Variants in SOX5 observed in about 807,000 individuals in gnomAD.
SOX5 encodes the protein SRY-box transcription factor 5, also known as transcription factor SOX-5.
A neutral mutation model predicts 92.0 loss-of-function variants in SOX5; 9 were observed. The observed-to-expected ratio is 0.10, with a 90% CI of 0.06 to 0.17. The LOEUF (loss-of-function observed/expected upper bound fraction) is 0.17, where lower values mean the gene tolerates loss of function less well. Ranked by LOEUF, SOX5 falls within the 10% of genes least tolerant of loss-of-function variation. The pLI is 1.00. For missense variants in SOX5, 642 were observed against 944.5 expected (o/e 0.68, Z 4.20); for synonymous variants, 344 against 336.3 (o/e 1.02, Z -0.25).
intron 1 of SOX5, among the ~76,000 whole-genome samples, chr12:24,426,137 T>C (rs751300622): frequency 3.3e-5 from 5 of 151,914 alleles, no homozygotes; most frequent in African/African-American, 4.8e-5. Context: ...GAGGCAGAGG[T>C]TGCAGTGAGC....
At chr12:24,181,581 G>T (rs1236690058) in intron 4 of SOX5, among the ~76,000 whole-genome samples, 3 of 152,098 alleles carry the variant, frequency 2.0e-5, no homozygotes, top group Non-Finnish European at 4.4e-5. Context: ...TGTATATGAG[G>T]ATCATAATAT....
At chr12:23,742,250 C>T (rs999521441) in intron 4 of SOX5, among the ~76,000 whole-genome samples, 4 of 151,962 alleles carry the variant, frequency 2.6e-5, no homozygotes, top group Non-Finnish European at 5.9e-5. Context: ...TTTATATGAC[C>T]ATTTGGAATA....
At chr12:24,017,584 A>G (rs775818165) in intron 4 of SOX5, among the ~76,000 whole-genome samples, 6 of 152,140 alleles carry the variant, frequency 3.9e-5, no homozygotes, top group Non-Finnish European at 5.9e-5. Flanking sequence ...TGGGTGACAG[A>G]GTGAGACTCT....
intron 4 of SOX5, among the ~76,000 whole-genome samples, chr12:23,982,793 T>C (rs1426446448): frequency 6.6e-6 from 1 of 151,874 alleles, no homozygotes; most frequent in Non-Finnish European, 1.5e-5. Context: ...CAATATATAA[T>C]TGATAGTAAT....
At chr12:24,336,349 T>C (rs1190286578) in intron 2 of SOX5, among the ~76,000 whole-genome samples, 3 of 152,132 alleles carry the variant, frequency 2.0e-5, no homozygotes, top group Non-Finnish European at 4.4e-5. Context: ...TGCCTTGGCC[T>C]CCCAAAGTGC....
intron 6 of SOX5, among the ~76,000 whole-genome samples, chr12:23,667,672 G>C (rs1209969856): frequency 1.3e-5 from 2 of 152,098 alleles, no homozygotes; most frequent in Non-Finnish European, 2.9e-5. Flanking sequence ...AATCTAGTGA[G>C]GGGAAGTAGG....
rs191532444 is a variant in SOX5, at chr12:23,768,815, C to T, written c.482-13091G>A. Among the ~76,000 whole-genome samples the T allele has an allele frequency of 2.6e-3, 390 of 152,012 alleles. 4 individuals are homozygous for T. Among genetic ancestry groups the T allele is most frequent in the African/African-American group, 9.1e-3 (378 of 41,444 alleles). On this transcript the variant is annotated intron_variant, in intron 3 of 14. Transcript: ENST00000451604. ...CTTTATTGCTTGACAGGGTTCAACA[C>T]TGAAAGCTGTATTATCTACCTAAAA...
At chr12:24,107,920 G>A (rs1946868073) in intron 4 of SOX5, among the ~76,000 whole-genome samples, 1 of 152,148 alleles carries the variant, frequency 6.6e-6, no homozygotes, top group Non-Finnish European at 1.5e-5. Context: ...CCAAGTGAAT[G>A]GTTAAGTAAA....
chr12:24,068,392 C>T (rs915817102), intron 4 of SOX5, among the ~76,000 whole-genome samples: 1 of 151,846 alleles, frequency 6.6e-6, no homozygotes, highest in African/African-American at 2.4e-5. Context: ...CAATGTAAAG[C>T]ATTTTTGGGA....
chr12:24,417,878 C>G (rs1015088137), intron 1 of SOX5, among the ~76,000 whole-genome samples: 1 of 152,124 alleles, frequency 6.6e-6, no homozygotes, highest in African/African-American at 2.4e-5. Context: ...ATGTTCAATG[C>G]AAATGACATG....
chr12:23,995,817 C>G lies in SOX5; in HGVS notation c.-1-99793G>C, dbSNP rs929674794. Among the ~76,000 whole-genome samples the G allele has an allele frequency of 3.3e-5, 5 of 152,016 alleles. No individual in the cohort carries two copies. The South Asian group carries it at 1.0e-3, about 32-fold the overall frequency. The stretch of plus-strand genomic sequence containing the variant: ...CTCATCGTAGTTACATATTATTTAC[C>G]TACAAAAAATTTTCAGGTCTGGATA... On this transcript the variant is annotated intron_variant, in intron 4 of 4. Transcript: ENST00000446891.
intron 3 of SOX5, among the ~76,000 whole-genome samples, chr12:23,791,353 A>C (rs926900710): frequency 6.6e-6 from 1 of 152,172 alleles, no homozygotes; most frequent in African/African-American, 2.4e-5. Context: ...TGCAGTGGCT[A>C]TTTGCAGGTG....
rs74070008 is a variant in SOX5 at position 24,327,278 on chromosome 12, G to A, written c.-174+41285C>T. Among the ~76,000 whole-genome samples, 672 of 150,468 alleles carry A rather than the reference G, an allele frequency of 4.5e-3. 3 individuals are homozygous for A. The highest frequency in any genetic ancestry group is 0.016 in the African/African-American group (644 of 40,870). ...TAACTTAAGATTTATCTTGTATTGA[G>A]TTATCCCAGTGTTTCCTTATTAACA... On this transcript the variant is annotated intron_variant, in intron 2 of 4. Coordinates refer to the SOX5 transcript ENST00000446891.
intron 4 of SOX5, among the ~76,000 whole-genome samples, chr12:24,049,735 T>C (rs183134540): frequency 7.0e-6 from 1 of 143,042 alleles, no homozygotes; most frequent in African/African-American, 2.6e-5. Context: ...GAAGGACCAG[T>C]TCTCTGGAGA....
At chr12:23,604,818 T>C (rs1483080407) in intron 8 of SOX5, among the ~76,000 whole-genome samples, 2 of 152,214 alleles carry the variant, frequency 1.3e-5, no homozygotes, top group Non-Finnish European at 2.9e-5. Flanking sequence ...AGAAGGCAAG[T>C]ATAACATATT....
intron 2 of SOX5, among the ~76,000 whole-genome samples, chr12:24,331,952 G>C (rs953154137): frequency 3.4e-5 from 5 of 146,084 alleles, no homozygotes; most frequent in Non-Finnish European, 6.0e-5. Context: ...ATGTTTTATA[G>C]AATATAAAAG....
At chr12:24,386,977 GGTTT>G (rs1461391277) in intron 1 of SOX5, among the ~76,000 whole-genome samples, 1 of 152,166 alleles carries the variant, frequency 6.6e-6, no homozygotes, top group Non-Finnish European at 1.5e-5. Context: ...GCATATCAGT[GGTTT>G]ATTTGGACAT....
chr12:24,293,463 C>A (rs1046403152), intron 2 of SOX5, among the ~76,000 whole-genome samples: 3 of 152,124 alleles, frequency 2.0e-5, no homozygotes, highest in African/African-American at 4.8e-5. Flanking sequence ...TACAACAATT[C>A]TTTTAAAATT....
In SOX5 at chr12:23,792,622, C is replaced by CAAAAAAA. The variant is rs749845598; in HGVS notation, c.482-36905_482-36899dup. ...TGGGCAATAGAGTGAGGCTCTGTCT[C>CAAAAAAA]AAAAAAAAAAAAAAAAAAAAAAAAA... On this transcript the variant is annotated intron_variant, in intron 3 of 14. Coordinates refer to ENST00000451604, the MANE Select transcript of SOX5 (RefSeq NM_006940.6). Among the ~76,000 whole-genome samples, 253 of 38,958 alleles carry CAAAAAAA rather than the reference C, an allele frequency of 6.5e-3. 48 individuals carry two copies. Among genetic ancestry groups the CAAAAAAA allele is most frequent in the East Asian group, 0.016 (13 of 806 alleles). The allele number at this position is 38,958 out of a possible 152,430, so 25.6% of individuals were successfully genotyped here. A position where few individuals can be genotyped will look rare whatever the true frequency, so the allele number is the denominator to read the frequency against.
Sources: allele counts gnomAD v4.1 joint callset (sites outside exome capture counted in the v4.1 genomes callset), GRCh38; gene constraint gnomAD v4.1.1; transcripts MANE v1.5; gene names NCBI Gene and HGNC (gene_info 2026-07-23, HGNC 2026-07-21).